The following RAB8A variants were observed in gnomAD, a reference collection of about 807,000 sequenced individuals.
RAB8A encodes the protein RAB8A, member RAS oncogene family, also known as ras-related protein Rab-8A.
RAB8A carries 5 observed loss-of-function variants against 29.2 expected under a neutral mutation model. That is an observed-to-expected ratio of 0.17 (90% confidence interval 0.09 to 0.36). The LOEUF (loss-of-function observed/expected upper bound fraction) is 0.36, where lower values mean the gene tolerates loss of function less well. Ranked by LOEUF, RAB8A falls within the 10% of genes least tolerant of loss-of-function variation. The probability of loss-of-function intolerance (pLI) is 1.00; values close to 1 mark genes in which losing one functional copy is unlikely to be tolerated. For synonymous variants in RAB8A, 108 were observed against 99.9 expected, an observed-to-expected ratio of 1.08 and a Z score of -0.49; for missense variants, 171 against 272.2, an observed-to-expected ratio of 0.63 and a Z score of 2.62.
chr19:16,127,648 G>A lies in RAB8A; in HGVS notation c.414+122G>A, dbSNP rs1167962983. ...CGAGTTGGTCACCCCAGTGGGGCAC[G>A]TGCCATGGGATGACAGAAGCACACA... On this transcript the variant is annotated intron_variant, in intron 5 of 7. Transcript: ENST00000300935. The surrounding 1 kb of genome is among the most constrained non-coding windows in gnomAD (Gnocchi z 4.8). 2.0e-5 allele frequency: 15 copies of A among 763,674 alleles called. No individual in the cohort carries two copies. The highest frequency in any genetic ancestry group is 1.9e-4 in the East Asian group (7 of 36,556). 47.3% of individuals were successfully genotyped at this position (763,674 alleles called of 1,614,324 possible).
chr19:16,127,586 C>A lies in RAB8A; in HGVS notation c.414+60C>A, dbSNP rs1006361263. The A allele has an allele frequency of 5.4e-6, 7 of 1,301,894 alleles. No homozygotes were observed. In the African/African-American group the frequency reaches 5.9e-5, roughly 11 times the overall value. The allele number at this position is 1,301,894 out of a possible 1,614,324, so 80.6% of individuals were successfully genotyped here. ...GGGTCTTGGGGTTCTTGTGCAGAGG[C>A]CTTCCCCTGTCCCTCCTCTGCCCCA... On this transcript the variant is annotated intron_variant, in intron 5 of 7. Transcript: ENST00000300935. This position sits in a 1 kb window ranked among gnomAD's most constrained non-coding sequence, Gnocchi z 4.8.
At position 16,112,951 on chromosome 19, in the gene RAB8A, C is replaced by T. The variant is rs143546280; in HGVS notation, c.124+926C>T. 3.2e-4 allele frequency among the ~76,000 whole-genome samples: 48 copies of T among 152,316 alleles called. No individual in the cohort carries two copies. In the East Asian group the frequency reaches 8.1e-3, roughly 26 times the overall value. On this transcript the variant is annotated intron_variant, in intron 1 of 7. Transcript: ENST00000300935. ...AGAAGATGCAAGATAAAAGCCTCAGCGAGAAACTAAATCAGCCACTGCCAC... is the reference window on the plus strand; with the variant it reads ...AGAAGATGCAAGATAAAAGCCTCAGTGAGAAACTAAATCAGCCACTGCCAC...
rs763492277 is a variant in RAB8A at position 16,127,547 on chromosome 19, G to A, written c.414+21G>A. 6.7e-7 allele frequency: 1 copy of A among 1,488,364 alleles called. No individual in the cohort carries two copies. Among genetic ancestry groups the A allele is most frequent in the Non-Finnish European group, 9.0e-7 (1 of 1,113,068 alleles). 92.2% of individuals were successfully genotyped at this position (1,488,364 alleles called of 1,614,324 possible). On this transcript the variant is annotated intron_variant, in intron 5 of 7. Coordinates refer to ENST00000300935, the MANE Select transcript of RAB8A (RefSeq NM_005370.5). The surrounding 1 kb of genome is among the most constrained non-coding windows in gnomAD (Gnocchi z 4.8). ...AAAAGGTGGGCATGGTGGCACAAGG[G>A]GCAGAGGGCCTCGGGGTCTTGGGGT...
intron 1 of RAB8A, among the ~76,000 whole-genome samples, chr19:16,114,476 C>T (rs999633391): frequency 4.0e-5 from 6 of 149,782 alleles, no homozygotes; most frequent in African/African-American, 1.2e-4. Context: ...TCCCAGGTTC[C>T]AGCGATTCTC....
chr19:16,132,408 A>G lies in RAB8A; in HGVS notation c.*104A>G, dbSNP rs2090929709. ...CCCTCCCACCTCCAACGCCCCGCCC[A>G]CGCCGCGGCCACCGGGCCCACGGCC... On this transcript the variant is annotated 3_prime_UTR_variant, in exon 8 of 8. Coordinates refer to ENST00000300935, the MANE Select transcript of RAB8A (RefSeq NM_005370.5). The surrounding 1 kb of genome is among the most constrained non-coding windows in gnomAD (Gnocchi z 5.6). 3 of 1,120,528 alleles carry G rather than the reference A, an allele frequency of 2.7e-6. No individual in the cohort carries two copies. Among genetic ancestry groups the G allele is most frequent in the African/African-American group, 3.1e-5 (2 of 63,522 alleles). The allele number at this position is 1,120,528 out of a possible 1,614,324, so 69.4% of individuals were successfully genotyped here.
Position 16,122,408 on chromosome 19 carries a change from G to A in RAB8A, c.246+598G>A, listed in dbSNP as rs1393044542. Among the ~76,000 whole-genome samples, 1 of 152,224 alleles carries A rather than the reference G, an allele frequency of 6.6e-6. No homozygotes were observed. The highest frequency in any genetic ancestry group is 2.4e-5 in the African/African-American group (1 of 41,462). ...ACATGGCAGGGCATTCAGGGGTAGAGGGAGCAGGAGGTGGAGCCCCTGGAC... is the reference window on the plus strand; with the variant it reads ...ACATGGCAGGGCATTCAGGGGTAGAAGGAGCAGGAGGTGGAGCCCCTGGAC... On this transcript the variant is annotated intron_variant, in intron 3 of 7. Coordinates refer to ENST00000300935, the MANE Select transcript of RAB8A (RefSeq NM_005370.5). This position sits in a 1 kb window ranked among gnomAD's most constrained non-coding sequence, Gnocchi z 4.7.
rs1241184360 is a variant in RAB8A, at chr19:16,122,554, G to A, written c.246+744G>A. Reference sequence around the variant, plus strand: ...AACGGCTGCCTCTCCCCATTCCCAGGTCCCTCTGCTCCCCACTCTTTCCTC... The same window carrying A: ...AACGGCTGCCTCTCCCCATTCCCAGATCCCTCTGCTCCCCACTCTTTCCTC... On this transcript the variant is annotated intron_variant, in intron 3 of 7. Coordinates refer to ENST00000300935, the MANE Select transcript of RAB8A (RefSeq NM_005370.5). The surrounding 1 kb of genome is among the most constrained non-coding windows in gnomAD (Gnocchi z 4.7). Among the ~76,000 whole-genome samples, 1 of 152,072 alleles carries A rather than the reference G, an allele frequency of 6.6e-6. No individual in the cohort carries two copies. The highest frequency in any genetic ancestry group is 1.5e-5 in the Non-Finnish European group (1 of 68,000).
intron 7 of RAB8A, among the ~76,000 whole-genome samples, chr19:16,130,908 C>A (rs996970153): frequency 2.0e-5 from 3 of 152,174 alleles, no homozygotes; most frequent in Admixed American, 1.3e-4. Context: ...ACTGCAACCT[C>A]TGCCTCCCAG....
chr19:16,118,325 A>G lies in RAB8A; in HGVS notation c.185+39A>G, dbSNP rs770126701. The stretch of plus-strand genomic sequence containing the variant: ...TTCTCTGTCATTCTCTCCACCTGGC[A>G]ATGGCTTCAAGCCAGAAGCCCTTGG... On this transcript the variant is annotated intron_variant, in intron 2 of 7. Transcript: ENST00000300935. 8 of 1,582,478 alleles carry G rather than the reference A, an allele frequency of 5.1e-6. No individual in the cohort carries two copies. The East Asian group carries it at 1.8e-4, about 35-fold the overall frequency.
At chr19:16,124,597 A>G (rs1045540491) in intron 3 of RAB8A, 1 of 152,224 alleles carries the variant, frequency 6.6e-6, no homozygotes, top group Non-Finnish European at 1.5e-5. Flanking sequence ...CTCCACAAGG[A>G]CATCGAGAAC....
In RAB8A at chr19:16,133,441, CTTTTT is replaced by C. The variant is rs1400903118; in HGVS notation, c.*1140_*1144del. 1 of 149,850 alleles carries C rather than the reference CTTTTT, an allele frequency of 6.7e-6. No homozygotes were observed. 9.3% of individuals were successfully genotyped at this position (149,850 alleles called of 1,614,324 possible). On this transcript the variant is annotated 3_prime_UTR_variant, in exon 8 of 8. Transcript: ENST00000300935. ...GCCAGGGGGGTGTCACCAGCCTTTT[CTTTTT>C]TTCTTTCTTTTTTTTTTTTTCCTCC...
intron 3 of RAB8A, 186 bp downstream of exon 3, chr19:16,121,996 C>T (rs185567107): frequency 1.1e-3 from 604 of 538,858 alleles, no homozygotes; most frequent in Non-Finnish European, 1.7e-3. Context: ...GTACATACCT[C>T]CCCTTCTGGC....
intron 1 of RAB8A, among the ~76,000 whole-genome samples, chr19:16,117,107 G>A (rs1187897955): frequency 6.6e-6 from 1 of 152,104 alleles, no homozygotes; most frequent in Admixed American, 6.6e-5. Context: ...TGAGTACTCC[G>A]TTCCTTTTTA....
At chr19:16,121,525 G>A (rs531776274) in intron 2 of RAB8A, among the ~76,000 whole-genome samples, 1 of 152,166 alleles carries the variant, frequency 6.6e-6, no homozygotes, top group Admixed American at 6.5e-5. Flanking sequence ...AAGGCGCATG[G>A]GTCAGGGATC....
At chr19:16,124,624 G>A (rs1435628291) in intron 3 of RAB8A, 1 of 152,396 alleles carries the variant, frequency 6.6e-6, no homozygotes, top group Admixed American at 6.5e-5. Context: ...GACCGTCAGA[G>A]GGTGGCCCCC....
At chr19:16,118,793 G>A (rs1045282338) in intron 2 of RAB8A, among the ~76,000 whole-genome samples, 3 of 152,198 alleles carry the variant, frequency 2.0e-5, no homozygotes, top group Non-Finnish European at 2.9e-5. Context: ...AAATTAAGCG[G>A]AGGGCCGGGC....
Position 16,125,003 on chromosome 19 carries a change from C to A in RAB8A, c.247-467C>A. ...TGTGTGGATGTCGGGTCAGGACTTC[C>A]TGGGCTCAGTTGTGCCTGGTAGGTG... On this transcript the variant is annotated intron_variant, in intron 3 of 7. Transcript: ENST00000300935. This position sits in a 1 kb window ranked among gnomAD's most constrained non-coding sequence, Gnocchi z 5.0. 5 of 179,822 alleles carry A rather than the reference C, an allele frequency of 2.8e-5. No individual in the cohort carries two copies. Among genetic ancestry groups the A allele is most frequent in the East Asian group, 1.4e-4 (1 of 7,326 alleles). 11.1% of individuals were successfully genotyped at this position (179,822 alleles called of 1,614,324 possible). A position where few individuals can be genotyped will look rare whatever the true frequency, so the allele number is the denominator to read the frequency against.
At chr19:16,131,982 A>G (rs1486469891) in intron 7 of RAB8A, among the ~76,000 whole-genome samples, 2 of 149,336 alleles carry the variant, frequency 1.3e-5, no homozygotes, top group African/African-American at 5.0e-5. Flanking sequence ...GATGGCTGGA[A>G]TGGTAATGGA....
At position 16,125,176 on chromosome 19, in the gene RAB8A, G is replaced by T; in HGVS notation, c.247-294G>T. On this transcript the variant is annotated intron_variant, in intron 3 of 7. Coordinates refer to ENST00000300935, the MANE Select transcript of RAB8A (RefSeq NM_005370.5). This position sits in a 1 kb window ranked among gnomAD's most constrained non-coding sequence, Gnocchi z 5.0. ...ACCCCGTGGGCCATGAGGGGAGCCA[G>T]CCGGGCTTGTCAGCGAGTGCGTGGC... 2.0e-6 allele frequency: 1 copy of T among 500,936 alleles called. No individual in the cohort carries two copies. 31.0% of individuals were successfully genotyped at this position (500,936 alleles called of 1,614,324 possible). A position where few individuals can be genotyped will look rare whatever the true frequency, so the allele number is the denominator to read the frequency against.
Sources: gnomAD v4.1 joint callset for allele counts (sites outside exome capture counted in the v4.1 genomes callset) on GRCh38, gnomAD v4.1.1 for gene constraint, Gnocchi (gnomAD v3.1) non-coding constraint, MANE v1.5 for transcripts, NCBI Gene and HGNC (gene_info 2026-07-23, HGNC 2026-07-21) for gene names.